The following WDR35 variants were observed in gnomAD, a reference collection of about 807,000 sequenced individuals.
WDR35 encodes the protein WD repeat-containing protein 35.
Under a neutral mutation model 158.3 loss-of-function variants are expected in WDR35, and 118 were observed. The observed-to-expected ratio is 0.75, with a 90% CI of 0.64 to 0.87. The LOEUF is 0.87. Ranked by LOEUF, WDR35 falls within the 40% of genes least tolerant of loss-of-function variation. The pLI is 0.00. For missense variants in WDR35, 1,263 were observed against 1,405.8 expected, an observed-to-expected ratio of 0.90 and a Z score of 1.62; for synonymous variants, 448 against 476.1, an observed-to-expected ratio of 0.94 and a Z score of 0.77.
chr2:19,969,812 A>G (rs1671978920), intron 8 of WDR35, among the ~76,000 whole-genome samples: 1 of 148,742 alleles, frequency 6.7e-6, no homozygotes, highest in Non-Finnish European at 1.5e-5. Context: ...CAGTGGCGTG[A>G]TCTCGGCTCA....
chr2:19,926,202 G>GT (rs1174422201), intron 25 of WDR35, among the ~76,000 whole-genome samples: 2 of 152,130 alleles, frequency 1.3e-5, no homozygotes, highest in Non-Finnish European at 2.9e-5. Flanking sequence ...CCAAAAAATT[G>GT]GCCTTTAATA....
At chr2:19,959,750 G>A (rs536766742) in intron 11 of WDR35, among the ~76,000 whole-genome samples, 87 of 149,860 alleles carry the variant, frequency 5.8e-4, no homozygotes, top group African/African-American at 2.1e-3. Flanking sequence ...TGTCCAATAT[G>A]AAAAAAAAAT....
At chr2:19,923,980 T>C (rs906634060) in intron 25 of WDR35, among the ~76,000 whole-genome samples, 1 of 152,178 alleles carries the variant, frequency 6.6e-6, no homozygotes, top group East Asian at 1.9e-4. Flanking sequence ...GTTCTTACAA[T>C]TTAAAACTTG....
At chr2:19,978,309 G>T (rs997120840) in intron 5 of WDR35, among the ~76,000 whole-genome samples, 4 of 152,168 alleles carry the variant, frequency 2.6e-5, no homozygotes, top group Non-Finnish European at 5.9e-5. Flanking sequence ...CAGACTCTCA[G>T]AAGACCCAGT....
chr2:19,914,324 TATC>T (rs1393310493), intron 25 of WDR35, 47 bp from the exon 26 acceptor site: 7 of 1,608,786 alleles, frequency 4.4e-6, no homozygotes, highest in Non-Finnish European at 5.9e-6. Flanking sequence ...ATTATTATGA[TATC>T]ATGAACATGC....
chr2:19,940,659 T>A (rs1670843569), intron 17 of WDR35, among the ~76,000 whole-genome samples: 1 of 152,152 alleles, frequency 6.6e-6, no homozygotes, highest in Non-Finnish European at 1.5e-5. Context: ...TGGGGCAAGC[T>A]AATGAGAAAG....
Position 19,935,620 on chromosome 2 carries a change from G to C in WDR35, c.2415-17C>G, listed in dbSNP as rs1007646700. Reference sequence around the variant, plus strand: ...GCATTCAACCTACAGAAAGAAAAAAGGAAAAACTTTTAAAACTAATGTGAA... The same window carrying C: ...GCATTCAACCTACAGAAAGAAAAAACGAAAAACTTTTAAAACTAATGTGAA... On this transcript the variant is annotated splice_polypyrimidine_tract_variant and intron_variant, in intron 20 of 26. Coordinates refer to ENST00000281405, the MANE Select transcript of WDR35 (RefSeq NM_020779.4). 1.9e-6 allele frequency: 3 copies of C among 1,608,302 alleles called. No individual in the cohort carries two copies. The African/African-American group carries it at 4.0e-5, about 22-fold the overall frequency.
intron 3 of WDR35, among the ~76,000 whole-genome samples, chr2:19,981,794 T>TA (rs1390844357): frequency 1.1e-4 from 17 of 152,260 alleles, no homozygotes; most frequent in Middle Eastern, 3.4e-3. Context: ...GCTTGAACTA[T>TA]AGGTGTTAGC....
chr2:19,943,872 TC>T (rs921570885), intron 16 of WDR35, among the ~76,000 whole-genome samples: 3 of 152,076 alleles, frequency 2.0e-5, no homozygotes, highest in African/African-American at 7.2e-5. Context: ...CATCTTTTTC[TC>T]TCAAATAATC....
intron 24 of WDR35, 99 bp from the exon 25 acceptor site, chr2:19,930,651 T>C (rs537013039): frequency 1.2e-5 from 18 of 1,540,476 alleles, no homozygotes; most frequent in Non-Finnish European, 1.6e-5. Context: ...AATGAGCAGA[T>C]TTTATCATTA....
At chr2:19,963,815 C>T (rs1158854550) in intron 10 of WDR35, among the ~76,000 whole-genome samples, 1 of 152,064 alleles carries the variant, frequency 6.6e-6, no homozygotes. Flanking sequence ...CACATCTCGG[C>T]TCACTGCAGC....
chr2:19,987,023 T>C (rs1026794581), intron 2 of WDR35, among the ~76,000 whole-genome samples: 4 of 152,210 alleles, frequency 2.6e-5, no homozygotes, highest in African/African-American at 9.6e-5. Flanking sequence ...ATACTAAAAT[T>C]GGTTAAGCAA....
intron 14 of WDR35, among the ~76,000 whole-genome samples, chr2:19,946,841 T>C (rs1671076353): frequency 6.6e-6 from 1 of 152,196 alleles, no homozygotes. Flanking sequence ...CACAAATTCT[T>C]ACATCACAAG....
chr2:19,945,170 T>C (rs1671007269), intron 16 of WDR35, among the ~76,000 whole-genome samples: 1 of 152,122 alleles, frequency 6.6e-6, no homozygotes, highest in African/African-American at 2.4e-5. Context: ...GCATAGAAAT[T>C]AGCTGATGTG....
rs777268549 is a variant in WDR35, at chr2:19,975,519, CACTT to C, written c.570+7_570+10del. On this transcript the variant is annotated splice_region_variant and intron_variant, in intron 6 of 26. Coordinates refer to ENST00000281405, the MANE Select transcript of WDR35 (RefSeq NM_020779.4). Reference sequence around the variant, plus strand: ...ATTGTATAAACAAGACTGATGCATACACTTACTTACCATAAAATTTCCTTGATTA... The same window carrying C: ...ATTGTATAAACAAGACTGATGCATACACTTACCATAAAATTTCCTTGATTA... The C allele has an allele frequency of 6.0e-5, 97 of 1,610,118 alleles. No homozygotes were observed. Among genetic ancestry groups the C allele is most frequent in the Non-Finnish European group, 7.8e-5 (92 of 1,177,570 alleles).
chr2:19,928,255 G>A (rs1670417066), intron 25 of WDR35, among the ~76,000 whole-genome samples: 1 of 152,226 alleles, frequency 6.6e-6, no homozygotes, highest in African/African-American at 2.4e-5. Context: ...TAACTAGCCA[G>A]ACCCATCCCT....
intron 9 of WDR35, among the ~76,000 whole-genome samples, chr2:19,968,782 T>C (rs1272276728): frequency 6.6e-6 from 1 of 152,252 alleles, no homozygotes; most frequent in Non-Finnish European, 1.5e-5. Flanking sequence ...ATTTGAGAGC[T>C]TGCTTTTGGA....
chr2:19,916,528 C>T (rs552187180), intron 25 of WDR35, among the ~76,000 whole-genome samples: 54 of 152,202 alleles, frequency 3.5e-4, no homozygotes, highest in Non-Finnish European at 7.1e-4. Context: ...TTTGAGCTAA[C>T]CTGGGATGCT....
intron 17 of WDR35, 42 bp downstream of exon 17, chr2:19,941,717 C>T (rs1558335078): frequency 1.4e-6 from 2 of 1,401,222 alleles, no homozygotes; most frequent in Admixed American, 4.0e-5. Context: ...GAAATAATCC[C>T]CTGTCAAGCT....
Sources: gnomAD v4.1 joint callset for allele counts (sites outside exome capture counted in the v4.1 genomes callset) on GRCh38, gnomAD v4.1.1 for gene constraint, MANE v1.5 for transcripts, NCBI Gene and HGNC (gene_info 2026-07-23, HGNC 2026-07-21) for gene names.